Variants in CLMN observed in about 807,000 individuals in gnomAD.
CLMN encodes the protein calmin (calponin-like, transmembrane).
CLMN carries 57 observed loss-of-function variants against 92.7 expected under a neutral mutation model. That is an observed-to-expected ratio of 0.61 (90% confidence interval 0.50 to 0.77). CLMN has a LOEUF of 0.77. CLMN is among the 30% of genes least tolerant of loss of function. The pLI is 0.00. For missense variants in CLMN, 1,158 were observed against 1,237.5 expected, an observed-to-expected ratio of 0.94 and a Z score of 0.96; for synonymous variants, 466 against 470.6, an observed-to-expected ratio of 0.99 and a Z score of 0.13.
At position 95,221,673 on chromosome 14, in the gene CLMN, T is replaced by A. The variant is rs747403458; in HGVS notation, c.324+18A>T. 4.0e-5 allele frequency: 65 copies of A among 1,605,966 alleles called. No individual in the cohort carries two copies. Among genetic ancestry groups the A allele is most frequent in the Non-Finnish European group, 5.4e-5 (63 of 1,173,028 alleles). On this transcript the variant is annotated intron_variant, in intron 4 of 12. Coordinates refer to ENST00000298912, the MANE Select transcript of CLMN (RefSeq NM_024734.4). ...ACAGGACAAGCTTGTGTTAGCAGGA[T>A]GAGCTTCAAACACTTACATTGCTAT...
chr14:95,319,604 G>A (rs1901954247), intron 1 of CLMN, 107 bp downstream of exon 1: 4 of 907,730 alleles, frequency 4.4e-6, no homozygotes, highest in East Asian at 6.8e-5. Context: ...CAGGAACAAC[G>A]AGCGGCCGGC....
Position 95,191,477 on chromosome 14 carries a change from G to A in CLMN, c.*87C>T. The A allele has an allele frequency of 1.8e-6, 2 of 1,109,900 alleles. No homozygotes were observed. Among genetic ancestry groups the A allele is most frequent in the Non-Finnish European group, 2.5e-6 (2 of 799,864 alleles). The allele number at this position is 1,109,900 out of a possible 1,614,324, so 68.8% of individuals were successfully genotyped here. On this transcript the variant is annotated 3_prime_UTR_variant, in exon 13 of 13. Coordinates refer to ENST00000298912, the MANE Select transcript of CLMN (RefSeq NM_024734.4). The surrounding 1 kb of genome is among the most constrained non-coding windows in gnomAD (Gnocchi z 5.3). ...CCTCGGAGGTCCTCAACTGTCTGTA[G>A]AAGTGCCCCACCCAGAACCCAAAAT... is the stretch of plus-strand genomic sequence containing the variant.
At chr14:95,279,422 G>T (rs1480580569) in intron 1 of CLMN, among the ~76,000 whole-genome samples, 1 of 152,218 alleles carries the variant, frequency 6.6e-6, no homozygotes, top group Non-Finnish European at 1.5e-5. Flanking sequence ...CCCTGGCTAT[G>T]CTGGAAAGAG....
chr14:95,193,009 T>G lies in CLMN; in HGVS notation c.2840+840A>C, dbSNP rs182589038. 1.1e-3 allele frequency: 310 copies of G among 279,932 alleles called. 1 individual carries two copies. The highest frequency in any genetic ancestry group is 6.4e-3 in the African/African-American group (291 of 45,582). 17.3% of individuals were successfully genotyped at this position (279,932 alleles called of 1,614,324 possible). A position where few individuals can be genotyped will look rare whatever the true frequency, so the allele number is the denominator to read the frequency against. On this transcript the variant is annotated intron_variant, in intron 12 of 12. Transcript: ENST00000298912. Reference sequence around the variant, plus strand: ...GGCAGGGGAAAGGAGCTGTCTTGCTTCTTTTTTAGCAGCCAGAGGGATGGG... The same window carrying G: ...GGCAGGGGAAAGGAGCTGTCTTGCTGCTTTTTTAGCAGCCAGAGGGATGGG...
chr14:95,311,511 A>C (rs1474058290), intron 1 of CLMN, among the ~76,000 whole-genome samples: 1 of 152,064 alleles, frequency 6.6e-6, no homozygotes, highest in African/African-American at 2.4e-5. Flanking sequence ...AAATCCTAAC[A>C]ACCCCAGGGC....
chr14:95,206,461 G>A (rs1351061013), intron 8 of CLMN, among the ~76,000 whole-genome samples: 5 of 152,056 alleles, frequency 3.3e-5, no homozygotes, highest in East Asian at 1.9e-4. Context: ...TATAAGACCC[G>A]TTCTTTTCAA....
Position 95,228,396 on chromosome 14 carries a change from G to A in CLMN, c.144+1676C>T, listed in dbSNP as rs559513406. Among the ~76,000 whole-genome samples the A allele has an allele frequency of 1.3e-4, 20 of 152,308 alleles. No individual in the cohort carries two copies. In the East Asian group the frequency reaches 2.1e-3, roughly 16 times the overall value. On this transcript the variant is annotated intron_variant, in intron 2 of 12. Coordinates refer to ENST00000298912, the MANE Select transcript of CLMN (RefSeq NM_024734.4). ...TTGATGATTTATAAGCTTCATCTGCGATACAATCTTTCACCCGTAGAGTTC... is the reference window on the plus strand; with the variant it reads ...TTGATGATTTATAAGCTTCATCTGCAATACAATCTTTCACCCGTAGAGTTC...
chr14:95,201,457 C>T (rs1472580725), intron 9 of CLMN, among the ~76,000 whole-genome samples: 1 of 151,812 alleles, frequency 6.6e-6, no homozygotes, highest in Non-Finnish European at 1.5e-5. Context: ...ACGGTTAGTA[C>T]ACTATTCTCA....
At chr14:95,195,900 C>A (rs1368461726) in intron 10 of CLMN, among the ~76,000 whole-genome samples, 2 of 152,286 alleles carry the variant, frequency 1.3e-5, no homozygotes, top group Non-Finnish European at 2.9e-5. Context: ...CTTGGAGTGA[C>A]AGAGCAGAGG....
At chr14:95,262,926 G>T (rs1036284391) in intron 1 of CLMN, among the ~76,000 whole-genome samples, 1 of 152,146 alleles carries the variant, frequency 6.6e-6, no homozygotes, top group Non-Finnish European at 1.5e-5. Flanking sequence ...CCAAGGCCAC[G>T]CAGCTTGTTC....
intron 1 of CLMN, among the ~76,000 whole-genome samples, chr14:95,309,769 G>A (rs1398461274): frequency 6.6e-6 from 1 of 152,248 alleles, no homozygotes; most frequent in Non-Finnish European, 1.5e-5. Context: ...CAGTCCAGCT[G>A]TGCAAATATC....
intron 1 of CLMN, among the ~76,000 whole-genome samples, chr14:95,241,841 G>A (rs922573374): frequency 1.3e-5 from 2 of 151,984 alleles, no homozygotes; most frequent in East Asian, 1.9e-4. Context: ...GTGTGTGTGC[G>A]TGTGTGTATA....
chr14:95,253,609 G>GTTT (rs796784147), intron 1 of CLMN, among the ~76,000 whole-genome samples: 1 of 112,524 alleles, frequency 8.9e-6, no homozygotes, highest in African/African-American at 3.8e-5. Context: ...GTGTTTTTTT[G>GTTT]TTTTTTTGTT....
Position 95,204,330 on chromosome 14 carries a change from T to C in CLMN, c.1019A>G (p.His340Arg), listed in dbSNP as rs1331964667. The change falls in exon 9 of 13, where the codon CAT (histidine) becomes CGT (arginine). Residue 340 changes from histidine (H) to arginine (R), a missense_variant. By Grantham distance (29) the His-to-Arg change is conservative. Transcript: ENST00000298912. ...GGAGGGTGGTGGGTGGCTGGTTTCA[T>C]GGTTAACAGTGTAGGTACGCTCCCC... Reference protein sequence around the residue: ...ENGERTYTVNHETSHPPPSKV... With the variant: ...ENGERTYTVNRETSHPPPSKV... 2.5e-6 allele frequency: 4 copies of C among 1,614,034 alleles called. No individual in the cohort carries two copies. In the Admixed American group the frequency reaches 5.0e-5, roughly 20 times the overall value.
intron 1 of CLMN, among the ~76,000 whole-genome samples, chr14:95,287,083 G>A (rs1900373110): frequency 6.6e-6 from 1 of 152,226 alleles, no homozygotes; most frequent in South Asian, 2.1e-4. Flanking sequence ...AGCCTTGCCT[G>A]AAGGGCCCCT....
chr14:95,210,872 C>A lies in CLMN; in HGVS notation c.616G>T (p.Val206Leu). The change falls in exon 7 of 13, where the codon GTG becomes TTG. Residue 206 changes from valine to leucine, a missense_variant. Physicochemically the swap from Val to Leu is conservative, Grantham distance 32. Coordinates refer to ENST00000298912, the MANE Select transcript of CLMN (RefSeq NM_024734.4). ...CTGCCCGCAAAGTCCTGCACCGCCACGCCATACCTGAAGGAAAAACAGCAG... is the reference window on the plus strand; with the variant it reads ...CTGCCCGCAAAGTCCTGCACCGCCAAGCCATACCTGAAGGAAAAACAGCAG... ...WVQRKTRKYG[V>L]AVQDFAGSWR... 3 of 1,505,918 alleles carry A rather than the reference C, an allele frequency of 2.0e-6. No individual in the cohort carries two copies. Among genetic ancestry groups the A allele is most frequent in the African/African-American group, 1.5e-5 (1 of 68,378 alleles). 93.3% of individuals were successfully genotyped at this position (1,505,918 alleles called of 1,614,324 possible). A position where few individuals can be genotyped will look rare whatever the true frequency, so the allele number is the denominator to read the frequency against.
At chr14:95,210,458 A>G (rs1054966555) in intron 7 of CLMN, among the ~76,000 whole-genome samples, 2 of 152,226 alleles carry the variant, frequency 1.3e-5, no homozygotes, top group Non-Finnish European at 2.9e-5. Flanking sequence ...ATGTTAAATA[A>G]AAAGTACAAA....
intron 2 of CLMN, among the ~76,000 whole-genome samples, chr14:95,224,781 G>A (rs1040866088): frequency 6.6e-6 from 1 of 152,212 alleles, no homozygotes; most frequent in African/African-American, 2.4e-5. Context: ...GGCATCAGTA[G>A]GGCTCCCCCA....
At chr14:95,244,517 G>A (rs902805523) in intron 1 of CLMN, among the ~76,000 whole-genome samples, 14 of 152,122 alleles carry the variant, frequency 9.2e-5, no homozygotes, top group East Asian at 5.8e-4. Context: ...ACTTAACATC[G>A]CATAGAAAAA....
Sources: gnomAD v4.1 joint callset for allele counts (sites outside exome capture counted in the v4.1 genomes callset) on GRCh38, gnomAD v4.1.1 for gene constraint, Gnocchi (gnomAD v3.1) non-coding constraint, MANE v1.5 for transcripts, NCBI Gene and HGNC (gene_info 2026-07-23, HGNC 2026-07-21) for gene names.